The following ADAMTS3 variants were observed in gnomAD, a reference collection of about 807,000 sequenced individuals.
ADAMTS3 encodes ADAM metallopeptidase with thrombospondin type 1 motif 3.
In ADAMTS3, 73 loss-of-function variants were observed where a neutral mutation model predicts 129.0. The ratio of observed to expected loss-of-function variants is 0.57; its 90% CI spans 0.47 to 0.69. The LOEUF (loss-of-function observed/expected upper bound fraction) is 0.69. ADAMTS3 is among the 30% of genes least tolerant of loss of function. The pLI, the probability that ADAMTS3 is intolerant of heterozygous loss-of-function variation, is 0.00. For missense variants in ADAMTS3, 1,457 were observed against 1,514.5 expected, an observed-to-expected ratio of 0.96 and a Z score of 0.63; for synonymous variants, 477 against 510.8, an observed-to-expected ratio of 0.93 and a Z score of 0.89.
At chr4:72,478,881 C>A (rs1383444172) in intron 3 of ADAMTS3, among the ~76,000 whole-genome samples, 1 of 151,654 alleles carries the variant, frequency 6.6e-6, no homozygotes, top group Non-Finnish European at 1.5e-5. Context: ...AAATCACAAG[C>A]ATTCTTATAC....
In ADAMTS3 at chr4:72,369,929, C is replaced by T. The variant is rs188280615; in HGVS notation, c.662-30236G>A. On this transcript the variant is annotated intron_variant, in intron 4 of 21. Transcript: ENST00000286657. ...CATCTATGTTCTTTTCCACCACTTT[C>T]CACTGCTTTGTCAAAACTTTATATG... Among the ~76,000 whole-genome samples, 215 of 152,262 alleles carry T rather than the reference C, an allele frequency of 1.4e-3. 2 individuals are homozygous for T. Among genetic ancestry groups the T allele is most frequent in the Non-Finnish European group, 1.1e-3 (76 of 68,020 alleles).
chr4:72,467,262 T>C (rs1368303368), intron 3 of ADAMTS3, among the ~76,000 whole-genome samples: 2 of 152,024 alleles, frequency 1.3e-5, no homozygotes, highest in East Asian at 1.9e-4. Context: ...GTTAATCCTA[T>C]ACTTAGGTAG....
At chr4:72,521,685 G>T (rs1414333118) in intron 3 of ADAMTS3, among the ~76,000 whole-genome samples, 1 of 151,984 alleles carries the variant, frequency 6.6e-6, no homozygotes, top group African/African-American at 2.4e-5. Context: ...CCCAAATAGT[G>T]TACATTACCT....
chr4:72,537,080 G>A (rs1474103), intron 3 of ADAMTS3, among the ~76,000 whole-genome samples: 51,801 of 152,026 alleles, frequency 0.34, 9,620 homozygotes, highest in South Asian at 0.55. Context: ...ACTTCCAGGG[G>A]AAGACTCAAA....
At chr4:72,316,167 TAACAATGATA>T (rs1238877272) in intron 10 of ADAMTS3, among the ~76,000 whole-genome samples, 196 bp from the exon 11 acceptor site, 1 of 152,226 alleles carries the variant, frequency 6.6e-6, no homozygotes, top group Non-Finnish European at 1.5e-5. Context: ...TTTTCTAAAA[TAACAATGATA>T]AACAATGATT....
At chr4:72,414,567 T>C (rs1722257851) in intron 4 of ADAMTS3, among the ~76,000 whole-genome samples, 1 of 151,984 alleles carries the variant, frequency 6.6e-6, no homozygotes, top group Non-Finnish European at 1.5e-5. Context: ...CCAATAGTTT[T>C]AATATAAAGG....
intron 3 of ADAMTS3, among the ~76,000 whole-genome samples, chr4:72,466,207 C>A (rs370871444): frequency 6.6e-6 from 1 of 152,012 alleles, no homozygotes; most frequent in African/African-American, 2.4e-5. Flanking sequence ...GCAGTCAGTG[C>A]AAATTCCATA....
At chr4:72,339,801 T>C (rs1375029525) in intron 4 of ADAMTS3, 108 bp from the exon 5 acceptor site, 1 of 848,154 alleles carries the variant, frequency 1.2e-6, no homozygotes, top group Non-Finnish European at 1.9e-6. Context: ...TCATTCATAA[T>C]CACTGAGATG....
chr4:72,511,871 T>A (rs542228628), intron 3 of ADAMTS3, among the ~76,000 whole-genome samples: 1 of 152,256 alleles, frequency 6.6e-6, no homozygotes, highest in South Asian at 2.1e-4. Flanking sequence ...TAAGTGCCCA[T>A]CAACAGATGA....
At chr4:72,408,665 C>T (rs1465948983) in intron 4 of ADAMTS3, among the ~76,000 whole-genome samples, 1 of 150,036 alleles carries the variant, frequency 6.7e-6, no homozygotes, top group African/African-American at 2.5e-5. Context: ...ATGCTTCCCA[C>T]TTACTAACAT....
At chr4:72,497,997 T>G (rs1212551474) in intron 3 of ADAMTS3, among the ~76,000 whole-genome samples, 1 of 152,074 alleles carries the variant, frequency 6.6e-6, no homozygotes, top group Non-Finnish European at 1.5e-5. Flanking sequence ...CAATATCCAC[T>G]GAAATTTGGC....
intron 4 of ADAMTS3, among the ~76,000 whole-genome samples, chr4:72,411,544 C>T (rs1281081958): frequency 6.6e-6 from 1 of 151,954 alleles, no homozygotes; most frequent in East Asian, 1.9e-4. Flanking sequence ...TAACCATCAA[C>T]GAGCCAATAA....
chr4:72,403,124 G>C (rs1358384953), intron 4 of ADAMTS3, among the ~76,000 whole-genome samples: 1 of 151,986 alleles, frequency 6.6e-6, no homozygotes, highest in African/African-American at 2.4e-5. Context: ...CATCATGTTT[G>C]GTCTTAATTT....
At chr4:72,348,611 AAGAT>A (rs529931687) in intron 4 of ADAMTS3, among the ~76,000 whole-genome samples, 6 of 152,188 alleles carry the variant, frequency 3.9e-5, no homozygotes, top group Non-Finnish European at 5.9e-5. Flanking sequence ...AATTGACCAT[AAGAT>A]AGAAACATTA....
chr4:72,286,092 T>G lies in ADAMTS3; in HGVS notation c.3050-2388A>C, dbSNP rs189421636. ...TAAAAGGGATATGAAATCACTATGA[T>G]AGTTAAGCTATCTTATTAGCTCCCT... On this transcript the variant is annotated intron_variant, in intron 21 of 21. Coordinates refer to ENST00000286657, the MANE Select transcript of ADAMTS3 (RefSeq NM_014243.3). Among the ~76,000 whole-genome samples the G allele has an allele frequency of 2.8e-4, 42 of 152,356 alleles. No homozygotes were observed. The East Asian group carries it at 7.9e-3, about 29-fold the overall frequency.
intron 18 of ADAMTS3, 52 bp downstream of exon 18, chr4:72,298,225 T>C (rs768780779): frequency 2.7e-6 from 4 of 1,478,798 alleles, no homozygotes; most frequent in South Asian, 2.7e-5. Context: ...AGAAGCAAGA[T>C]TGGTTTTTAT....
chr4:72,495,850 CT>C (rs915131548), intron 3 of ADAMTS3, among the ~76,000 whole-genome samples: 18 of 152,178 alleles, frequency 1.2e-4, no homozygotes, highest in Admixed American at 2.6e-4. Flanking sequence ...TACAAACCTA[CT>C]ATACAGCAAG....
intron 3 of ADAMTS3, among the ~76,000 whole-genome samples, chr4:72,542,418 C>A (rs373643741): frequency 1.3e-5 from 2 of 152,196 alleles, no homozygotes; most frequent in Non-Finnish European, 2.9e-5. Flanking sequence ...CCCGCCTCAG[C>A]CTCCCAAAGT....
intron 3 of ADAMTS3, among the ~76,000 whole-genome samples, chr4:72,460,241 T>C (rs950322097): frequency 2.6e-5 from 4 of 151,598 alleles, no homozygotes; most frequent in Non-Finnish European, 4.4e-5. Flanking sequence ...CTGCTTAAGG[T>C]AGATTTTCTA....
Sources: allele counts gnomAD v4.1 joint callset (sites outside exome capture counted in the v4.1 genomes callset), GRCh38; gene constraint gnomAD v4.1.1; transcripts MANE v1.5; gene names NCBI Gene and HGNC (gene_info 2026-07-23, HGNC 2026-07-21).